BSN: variants seen among roughly 807,000 people sequenced by gnomAD.
BSN encodes bassoon presynaptic cytomatrix protein.
A neutral mutation model predicts 264.8 loss-of-function variants in BSN; 57 were observed. The ratio of observed to expected loss-of-function variants is 0.22; its 90% CI spans 0.17 to 0.27. The LOEUF is 0.27. BSN is among the 10% of genes least tolerant of loss of function. The probability of loss-of-function intolerance (pLI) is 1.00; values close to 1 mark genes in which losing one functional copy is unlikely to be tolerated. For synonymous variants in BSN, 2,059 were observed against 2,137.3 expected, an observed-to-expected ratio of 0.96 and a Z score of 1.01; for missense variants, 4,615 against 5,232.5, an observed-to-expected ratio of 0.88 and a Z score of 3.64.
At chr3:49,571,270 A>T (rs191676317) in intron 1 of BSN, among the ~76,000 whole-genome samples, 1 of 152,254 alleles carries the variant, frequency 6.6e-6, no homozygotes, top group African/African-American at 2.4e-5. Context: ...ATCCCACAGC[A>T]AGTCAGGGGC....
At chr3:49,662,679 G>A (rs2052670914) in intron 6 of BSN, 117 bp downstream of exon 6, 3 of 1,481,796 alleles carry the variant, frequency 2.0e-6, no homozygotes, top group Admixed American at 5.0e-5. Context: ...CTCATCTGGT[G>A]GGCCCTGCTG....
chr3:49,602,372 G>A (rs1346249406), intron 1 of BSN, among the ~76,000 whole-genome samples: 2 of 152,124 alleles, frequency 1.3e-5, no homozygotes, highest in Admixed American at 1.3e-4. Flanking sequence ...CACCAGCTGG[G>A]GGAAGGAGAG....
Position 49,656,260 on chromosome 3 carries a change from C to A in BSN, c.6704C>A (p.Ala2235Asp). Residue 2235 changes from alanine to aspartate, a missense_variant, in exon 5 of 12, where the codon GCC (alanine) becomes GAC (aspartate). Physicochemically the swap from Ala to Asp is moderately radical, Grantham distance 126. This residue lies in a region of BSN where 3,415 missense variants were observed against 3,866.4 expected (regional missense o/e 0.88). Coordinates refer to ENST00000296452, the MANE Select transcript of BSN (RefSeq NM_003458.4). ...YRPYASGGIT[A>D]VPLTSLTRVP... Reference sequence around the variant, plus strand: ...CCTTACGCATCTGGTGGAATCACAGCCGTGCCACTCACCAGTCTGACACGT... The same window carrying A: ...CCTTACGCATCTGGTGGAATCACAGACGTGCCACTCACCAGTCTGACACGT... 6.2e-7 allele frequency: 1 copy of A among 1,612,264 alleles called. No homozygotes were observed. Among genetic ancestry groups the A allele is most frequent in the South Asian group, 1.1e-5 (1 of 90,862 alleles).
intron 1 of BSN, among the ~76,000 whole-genome samples, chr3:49,593,834 G>A (rs1408801885): frequency 2.3e-5 from 3 of 131,168 alleles, no homozygotes; most frequent in South Asian, 4.6e-4. Context: ...ATGGAGTCTC[G>A]CTCTATCGCC....
chr3:49,662,646 C>G, intron 6 of BSN, 84 bp downstream of exon 6: 5 of 1,516,758 alleles, frequency 3.3e-6, no homozygotes, highest in Non-Finnish European at 3.5e-6. Flanking sequence ...CCTAAGATGT[C>G]CCAGCAGGGT....
chr3:49,655,541 C>T lies in BSN; in HGVS notation c.5985C>T (p.Asn1995=), dbSNP rs1355680833. ...SDTNLAEAGL[N]YHAQRIGQLF... ...CCAATTTGGCTGAGGCTGGCCTCAA[C>T]TACCATGCCCAGAGGATCGGGCAGC... The change falls in exon 5 of 12, where the codon AAC becomes AAT. Residue 1995 remains asparagine (N), a synonymous_variant. Transcript: ENST00000296452. 2.5e-6 allele frequency: 4 copies of T among 1,612,572 alleles called. No individual in the cohort carries two copies. Among genetic ancestry groups the T allele is most frequent in the Middle Eastern group, 1.6e-4 (1 of 6,062 alleles).
Position 49,663,618 on chromosome 3 carries a change from G to A in BSN, c.11460G>A (p.Lys3820=), listed in dbSNP as rs2052685604. 1 of 1,609,326 alleles carries A rather than the reference G, an allele frequency of 6.2e-7. No homozygotes were observed. Among genetic ancestry groups the A allele is most frequent in the African/African-American group, 1.3e-5 (1 of 75,018 alleles). ...CTGCTGCCAGCCAGCCTGCAGGGAAGCCTCAGCCAGGCCCCAGCACAGCCA... is the reference window on the plus strand; with the variant it reads ...CTGCTGCCAGCCAGCCTGCAGGGAAACCTCAGCCAGGCCCCAGCACAGCCA... ...SAPAASQPAG[K]PQPGPSTATG... Residue 3820 remains lysine, a synonymous_variant, in exon 7 of 12, where the codon AAG becomes AAA. Coordinates refer to ENST00000296452, the MANE Select transcript of BSN (RefSeq NM_003458.4).
chr3:49,563,821 G>T (rs2051733450), intron 1 of BSN, among the ~76,000 whole-genome samples: 1 of 152,180 alleles, frequency 6.6e-6, no homozygotes, highest in African/African-American at 2.4e-5. Flanking sequence ...CCCAAGATCA[G>T]TGGCCTTTGG....
In BSN at chr3:49,607,754, C is replaced by T. The variant is rs555334200; in HGVS notation, c.225-17221C>T. ...ACACGTCAGGTAGGAACATGGGCAT[C>T]CCTGAATCTGTGCTCCCTAGACGCT... On this transcript the variant is annotated intron_variant, in intron 1 of 11. Transcript: ENST00000296452. Among the ~76,000 whole-genome samples the T allele has an allele frequency of 5.3e-5, 8 of 152,306 alleles. No homozygotes were observed. In the South Asian group the frequency reaches 1.7e-3, roughly 32 times the overall value.
chr3:49,588,939 G>C (rs2051955728), intron 1 of BSN, among the ~76,000 whole-genome samples: 1 of 149,204 alleles, frequency 6.7e-6, no homozygotes, highest in Admixed American at 6.7e-5. Context: ...TTTTGAGACA[G>C]AGTCTCGCTC....
In BSN at chr3:49,671,370, TCAAA is replaced by T. The variant is rs35637631; in HGVS notation, c.*3893_*3896del. 7,966 of 152,672 alleles carry T rather than the reference TCAAA, an allele frequency of 0.052. 283 individuals are homozygous for T. Among genetic ancestry groups the T allele is most frequent in the South Asian group, 0.12 (560 of 4,816 alleles). The allele number at this position is 152,672 out of a possible 1,614,324, so 9.5% of individuals were successfully genotyped here. ...GAGGGGGGAAGAGTGCTGTACAAAGTCAAACAAACAAGTTTACAGTTGTAAGTGC... is the reference window on the plus strand; with the variant it reads ...GAGGGGGGAAGAGTGCTGTACAAAGTCAAACAAGTTTACAGTTGTAAGTGC... On this transcript the variant is annotated 3_prime_UTR_variant, in exon 12 of 12. Transcript: ENST00000296452. This position sits in a 1 kb window ranked among gnomAD's most constrained non-coding sequence, Gnocchi z 4.1.
intron 1 of BSN, among the ~76,000 whole-genome samples, chr3:49,555,579 G>A (rs2051661571): frequency 1.3e-5 from 2 of 152,344 alleles, no homozygotes; most frequent in East Asian, 3.9e-4. Context: ...GAACATATCT[G>A]ATTAAATACT....
chr3:49,642,869 C>T lies in BSN; in HGVS notation c.1235C>T (p.Ala412Val). The change falls in exon 3 of 12, where the codon GCC becomes GTC. Residue 412 changes from alanine (A) to valine (V), a missense_variant. Physicochemically the swap from Ala to Val is moderately conservative, Grantham distance 64. Coordinates refer to ENST00000296452, the MANE Select transcript of BSN (RefSeq NM_003458.4). This position sits in a 1 kb window ranked among gnomAD's most constrained non-coding sequence, Gnocchi z 7.0. The part of the protein sequence containing the change: ...SGPGPGPAPG[A>V]KTEPGARMGP... ...CCCGGGCCTGGGCCAGCACCTGGAG[C>T]CAAAACTGAGCCTGGGGCTAGAATG... 1 of 1,613,526 alleles carries T rather than the reference C, an allele frequency of 6.2e-7. No individual in the cohort carries two copies.
At chr3:49,582,015 G>A (rs1263231651) in intron 1 of BSN, among the ~76,000 whole-genome samples, 1 of 152,090 alleles carries the variant, frequency 6.6e-6, no homozygotes. Context: ...ACCTAAGAGT[G>A]GAATTCCTGG....
In BSN at chr3:49,652,089, C is replaced by T. The variant is rs764545494; in HGVS notation, c.2533C>T (p.Arg845Trp). ...ACTGACTGATGAGGATTTCATGCGA[C>T]GGCAGATTCTCGAGATGAGCGCCGA... ...AELTDEDFMR[R>W]QILEMSAEED... Residue 845 changes from arginine (R) to tryptophan (W), a missense_variant, in exon 5 of 12, where the codon CGG becomes TGG. Physicochemically the swap from Arg to Trp is moderately radical, Grantham distance 101. Transcript: ENST00000296452. 8 of 1,610,458 alleles carry T rather than the reference C, an allele frequency of 5.0e-6. No homozygotes were observed. Among genetic ancestry groups the T allele is most frequent in the Admixed American group, 3.3e-5 (2 of 59,846 alleles).
chr3:49,642,954 T>C lies in BSN; in HGVS notation c.1320T>C (p.His440=). The C allele has an allele frequency of 1.9e-6, 3 of 1,614,058 alleles. No homozygotes were observed. The highest frequency in any genetic ancestry group is 2.5e-6 in the Non-Finnish European group (3 of 1,180,030). Residue 440 remains histidine, a synonymous_variant, in exon 3 of 12, where the codon CAT becomes CAC. Transcript: ENST00000296452. This position sits in a 1 kb window ranked among gnomAD's most constrained non-coding sequence, Gnocchi z 7.0. ...PKTGGTTSPK[H]GRAEHQAASK... ...CTGGGGGAACAACCAGTCCAAAGCA[T>C]GGCAGAGCAGAACATCAGGCAGCAT...
intron 1 of BSN, among the ~76,000 whole-genome samples, chr3:49,621,269 G>A (rs2052303488): frequency 6.6e-6 from 1 of 152,170 alleles, no homozygotes; most frequent in Admixed American, 6.5e-5. Flanking sequence ...GTGGGTATCA[G>A]TGGAAAGTGG....
In BSN at chr3:49,651,735, G is replaced by T. The variant is rs770201647; in HGVS notation, c.2179G>T (p.Val727Leu). 1.2e-5 allele frequency: 20 copies of T among 1,613,816 alleles called. No homozygotes were observed. The highest frequency in any genetic ancestry group is 1.7e-5 in the Non-Finnish European group (20 of 1,179,938). The change falls in exon 5 of 12, where the codon GTG (valine) becomes TTG (leucine). Residue 727 changes from valine (V) to leucine (L), a missense_variant. This residue lies in a region of BSN where 1,197 missense variants were observed against 1,348.0 expected (regional missense o/e 0.89). Transcript: ENST00000296452. The surrounding 1 kb of genome is among the most constrained non-coding windows in gnomAD (Gnocchi z 5.4). Reference protein sequence around the residue: ...HPPSPSEIHKVGSSMRPLLQA... With the variant: ...HPPSPSEIHKLGSSMRPLLQA... ...ACCCAGCCCCTCCGAGATCCACAAG[G>T]TGGGGAGCAGCATGCGGCCTTTGCT...
In BSN at chr3:49,671,153, C is replaced by CGTGTGTGT. The variant is rs1339815920; in HGVS notation, c.*3671_*3672insTGTGTGTG. 2 of 51,572 alleles carry CGTGTGTGT rather than the reference C, an allele frequency of 3.9e-5. No individual in the cohort carries two copies. The highest frequency in any genetic ancestry group is 8.8e-5 in the Non-Finnish European group (2 of 22,724). The allele number at this position is 51,572 out of a possible 1,614,324, so 3.2% of individuals were successfully genotyped here. On this transcript the variant is annotated 3_prime_UTR_variant, in exon 12 of 12. Transcript: ENST00000296452. This position sits in a 1 kb window ranked among gnomAD's most constrained non-coding sequence, Gnocchi z 4.1. ...GATCATGTGTGTATGTGCGTGCGTG[C>CGTGTGTGT]GTGCGTGTGTGTGTGTGTGTGTGTT...
Sources: gnomAD v4.1 joint callset for allele counts (sites outside exome capture counted in the v4.1 genomes callset) on GRCh38, gnomAD v4.1.1 for gene constraint, gnomAD v4.1.1 regional missense constraint, Gnocchi (gnomAD v3.1) non-coding constraint, MANE v1.5 for transcripts, NCBI Gene and HGNC (gene_info 2026-07-23, HGNC 2026-07-21) for gene names.